Variants in MMP16 observed in about 807,000 individuals in gnomAD.
The protein encoded by MMP16 is matrix metallopeptidase 16, also known as matrix metalloproteinase-16.
In MMP16, 12 loss-of-function variants were observed where a neutral mutation model predicts 67.8. That is an observed-to-expected ratio of 0.18 (90% confidence interval 0.11 to 0.29). The LOEUF (loss-of-function observed/expected upper bound fraction) is 0.29. Ranked by LOEUF, MMP16 falls within the 10% of genes least tolerant of loss-of-function variation. MMP16 has a pLI of 1.00. For missense variants in MMP16, 475 were observed against 765.7 expected (o/e 0.62, Z 4.48); for synonymous variants, 249 against 255.9 (o/e 0.97, Z 0.26).
chr8:88,313,950 C>T (rs1260625855), intron 1 of MMP16, among the ~76,000 whole-genome samples: 3 of 152,220 alleles, frequency 2.0e-5, no homozygotes, highest in Non-Finnish European at 2.9e-5. Flanking sequence ...AGACCCGTCC[C>T]CATGATTTAA....
intron 6 of MMP16, among the ~76,000 whole-genome samples, chr8:88,100,954 A>T (rs1809132337): frequency 7.2e-6 from 1 of 139,754 alleles, no homozygotes. Flanking sequence ...AGGAAGGGGA[A>T]CATCACACAC....
chr8:88,296,625 A>C (rs1416412663), intron 1 of MMP16, among the ~76,000 whole-genome samples: 1 of 152,036 alleles, frequency 6.6e-6, no homozygotes, highest in Non-Finnish European at 1.5e-5. Context: ...CTTGAGGCCA[A>C]GAGTTCGAAA....
At chr8:88,080,370 C>T (rs576047881) in intron 6 of MMP16, among the ~76,000 whole-genome samples, 15 of 152,300 alleles carry the variant, frequency 9.8e-5, no homozygotes, top group East Asian at 1.9e-4. Context: ...ATTAGAAAAA[C>T]ATTTATGTGT....
intron 1 of MMP16, among the ~76,000 whole-genome samples, chr8:88,239,624 C>T (rs1169289917): frequency 2.0e-5 from 3 of 151,798 alleles, no homozygotes; most frequent in Non-Finnish European, 4.4e-5. Flanking sequence ...AAAACCTTTA[C>T]ATGACTACTA....
intron 4 of MMP16, among the ~76,000 whole-genome samples, chr8:88,162,948 T>C (rs1207947178): frequency 6.6e-6 from 1 of 152,072 alleles, no homozygotes; most frequent in Admixed American, 6.6e-5. Flanking sequence ...TAGTTCTTTA[T>C]ATCAGTGTGA....
chr8:88,229,651 A>C (rs969881618), intron 1 of MMP16, among the ~76,000 whole-genome samples: 1 of 152,090 alleles, frequency 6.6e-6, no homozygotes, highest in South Asian at 2.1e-4. Context: ...AGAGGCACCC[A>C]GTCAGTGAAG....
chr8:88,226,394 A>G (rs1041982768), intron 1 of MMP16, among the ~76,000 whole-genome samples: 1 of 152,040 alleles, frequency 6.6e-6, no homozygotes, highest in African/African-American at 2.4e-5. Flanking sequence ...AGGTATGACT[A>G]CTGACTTAAT....
chr8:88,216,257 T>C (rs1809592454), intron 1 of MMP16, among the ~76,000 whole-genome samples: 1 of 152,162 alleles, frequency 6.6e-6, no homozygotes, highest in Non-Finnish European at 1.5e-5. Flanking sequence ...TTCATGACAG[T>C]TTTTTAAAAA....
At chr8:88,284,347 T>A (rs1304255181) in intron 1 of MMP16, among the ~76,000 whole-genome samples, 1 of 152,200 alleles carries the variant, frequency 6.6e-6, no homozygotes, top group Non-Finnish European at 1.5e-5. Context: ...GCATATCAAA[T>A]ATGTCCATAC....
At chr8:88,206,794 T>C (rs1301288383) in intron 1 of MMP16, among the ~76,000 whole-genome samples, 1 of 152,126 alleles carries the variant, frequency 6.6e-6, no homozygotes, top group African/African-American at 2.4e-5. Context: ...TATGATAAAA[T>C]TGGTTATGTT....
intron 1 of MMP16, among the ~76,000 whole-genome samples, chr8:88,319,608 C>A (rs188396333): frequency 1.3e-5 from 2 of 152,088 alleles, no homozygotes; most frequent in African/African-American, 4.8e-5. Context: ...AAAGTTCCCA[C>A]GGAAAAATGC....
intron 4 of MMP16, among the ~76,000 whole-genome samples, chr8:88,136,763 T>C (rs1227745042): frequency 6.6e-6 from 1 of 151,778 alleles, no homozygotes; most frequent in African/African-American, 2.4e-5. Flanking sequence ...ATATTTTTGG[T>C]GTTGATAAAT....
At position 88,172,415 on chromosome 8, in the gene MMP16, G is replaced by A. The variant is rs376518311; in HGVS notation, c.405-4442C>T. 3.4e-4 allele frequency among the ~76,000 whole-genome samples: 52 copies of A among 152,182 alleles called. No individual in the cohort carries two copies. The South Asian group carries it at 0.011, about 32-fold the overall frequency. On this transcript the variant is annotated intron_variant, in intron 3 of 9. Transcript: ENST00000286614. ...GAACTAGGTGCAAACAAAAACAAGA[G>A]TTTAGAAACTTTTATGCCATGTATT... is the stretch of plus-strand genomic sequence containing the variant.
intron 1 of MMP16, among the ~76,000 whole-genome samples, chr8:88,258,681 G>A (rs1412701261): frequency 6.6e-6 from 1 of 152,212 alleles, no homozygotes; most frequent in Non-Finnish European, 1.5e-5. Context: ...GGAAGACGGA[G>A]AGCTTACGAC....
intron 1 of MMP16, among the ~76,000 whole-genome samples, chr8:88,211,823 C>G (rs1809517091): frequency 6.6e-6 from 1 of 152,152 alleles, no homozygotes; most frequent in African/African-American, 2.4e-5. Flanking sequence ...CTTCCCTGCT[C>G]AAAACACTAT....
intron 1 of MMP16, among the ~76,000 whole-genome samples, chr8:88,256,298 A>G (rs1244036494): frequency 6.6e-6 from 1 of 152,170 alleles, no homozygotes; most frequent in Non-Finnish European, 1.5e-5. Flanking sequence ...CATGTGTCTA[A>G]TAAGAATCAA....
At chr8:88,077,489 A>G (rs1419866725) in intron 6 of MMP16, among the ~76,000 whole-genome samples, 1 of 151,944 alleles carries the variant, frequency 6.6e-6, no homozygotes, top group Non-Finnish European at 1.5e-5. Context: ...ATTTTCCTTC[A>G]CTGCATTTAT....
intron 4 of MMP16, among the ~76,000 whole-genome samples, chr8:88,164,382 CAT>C (rs1233867527): frequency 2.0e-5 from 3 of 151,912 alleles, no homozygotes; most frequent in Admixed American, 1.3e-4. Flanking sequence ...TAGTTTCACA[CAT>C]AGTTAGAATC....
chr8:88,091,448 T>A (rs986370403), intron 6 of MMP16, among the ~76,000 whole-genome samples: 11 of 151,802 alleles, frequency 7.2e-5, no homozygotes, highest in Non-Finnish European at 1.5e-5. Context: ...TCATTTCTTC[T>A]GGGTATAGAG....
Sources: allele counts gnomAD v4.1 joint callset (sites outside exome capture counted in the v4.1 genomes callset), GRCh38; gene constraint gnomAD v4.1.1; transcripts MANE v1.5; gene names NCBI Gene and HGNC (gene_info 2026-07-23, HGNC 2026-07-21).